The following PLCH2 variants were observed in gnomAD, a reference collection of about 807,000 sequenced individuals.
PLCH2 encodes the protein 1-phosphatidylinositol 4,5-bisphosphate phosphodiesterase eta-2.
PLCH2 carries 98 observed loss-of-function variants against 134.7 expected under a neutral mutation model. That is an observed-to-expected ratio of 0.73 (90% CI 0.62 to 0.86). The LOEUF is 0.86. Ranked by LOEUF, PLCH2 falls within the 40% of genes least tolerant of loss-of-function variation. PLCH2 has a pLI of 0.00. For missense variants in PLCH2, 1,994 were observed against 1,986.6 expected, an observed-to-expected ratio of 1.00 and a Z score of -0.07; for synonymous variants, 974 against 827.5, an observed-to-expected ratio of 1.18 and a Z score of -3.04.
intron 2 of PLCH2, among the ~76,000 whole-genome samples, chr1:2,454,390 G>T (rs1416744677): frequency 6.6e-6 from 1 of 152,184 alleles, no homozygotes; most frequent in Non-Finnish European, 1.5e-5. Flanking sequence ...TCAGGAAGGG[G>T]TTGATGGTGT....
intron 10 of PLCH2, 31 bp downstream of exon 10, chr1:2,489,898 G>A (rs768470061): frequency 2.1e-5 from 31 of 1,468,188 alleles, no homozygotes; most frequent in East Asian, 6.8e-5. Context: ...AGGGGGGCGC[G>A]TGGAGCCTGC....
At chr1:2,477,185 C>T (rs904508523) in intron 1 of PLCH2, among the ~76,000 whole-genome samples, 7 of 152,112 alleles carry the variant, frequency 4.6e-5, no homozygotes, top group South Asian at 2.1e-4. Flanking sequence ...GGCCCCGGTC[C>T]GGGCTGGCCT....
At position 2,498,594 on chromosome 1, in the gene PLCH2, A is replaced by C; in HGVS notation, c.2296A>C (p.Ser766Arg). Residue 766 changes from serine to arginine, a missense_variant, in exon 17 of 22, where the codon AGT becomes CGT. By Grantham distance (110) the Ser-to-Arg change is moderately radical. Coordinates refer to ENST00000378486, the MANE Select transcript of PLCH2 (RefSeq NM_014638.4). The surrounding 1 kb of genome is among the most constrained non-coding windows in gnomAD (Gnocchi z 5.4). ...GAAGCAGCTGGTGCTCCGGATCATC[A>C]GTGGCCAGCAGCTTCCCAAGCCGCG... Reference protein sequence around the residue: ...LKKQLVLRIISGQQLPKPRDS... With the variant: ...LKKQLVLRIIRGQQLPKPRDS... The C allele has an allele frequency of 6.3e-7, 1 of 1,584,972 alleles. No individual in the cohort carries two copies. Among genetic ancestry groups the C allele is most frequent in the South Asian group, 1.1e-5 (1 of 88,226 alleles).
upstream of PLCH2, among the ~76,000 whole-genome samples, chr1:2,466,674 G>A (rs1641071393): frequency 6.6e-6 from 1 of 152,238 alleles, no homozygotes; most frequent in South Asian, 2.1e-4. Flanking sequence ...AGGCCCCTTG[G>A]GGCAGAGGTG....
intron 2 of PLCH2, among the ~76,000 whole-genome samples, chr1:2,433,173 C>G (rs182101148): frequency 1.1e-4 from 16 of 152,356 alleles, no homozygotes; most frequent in African/African-American, 3.8e-4. Flanking sequence ...TTCCACTCTT[C>G]CCCTTCCAGA....
chr1:2,429,715 G>A (rs978123461), intron 1 of PLCH2, among the ~76,000 whole-genome samples: 2 of 152,220 alleles, frequency 1.3e-5, no homozygotes, highest in Non-Finnish European at 2.9e-5. Context: ...AAGGGCTTGA[G>A]ACCCTGGCCT....
rs79405490 is a variant in PLCH2, at chr1:2,504,864, A to G, written c.3902A>G (p.Glu1301Gly). ...GGGGTGAGACGGGACACCCTGACAG[A>G]GCAGCTGCGCTGGCTCACTGTCTTC... ...GPGVRRDTLT[E>G]QLRWLTVFQQ... is the part of the protein sequence containing the mutation. Residue 1301 changes from glutamate to glycine, a missense_variant, in exon 22 of 22, where the codon GAG becomes GGG. Physicochemically the swap from Glu to Gly is moderately conservative, Grantham distance 98. This residue lies in a region of PLCH2 where 900 missense variants were observed against 752.3 expected (regional missense o/e 1.20). Transcript: ENST00000378486. 2 of 1,597,636 alleles carry G rather than the reference A, an allele frequency of 1.3e-6. No individual in the cohort carries two copies. Among genetic ancestry groups the G allele is most frequent in the Non-Finnish European group, 1.7e-6 (2 of 1,172,212 alleles).
intron 21 of PLCH2, chr1:2,503,326 C>T: frequency 1.7e-6 from 1 of 575,540 alleles, no homozygotes; most frequent in Admixed American, 3.1e-5. Flanking sequence ...ATTCCCACCT[C>T]CCTCTAGGGC....
At chr1:2,474,392 G>C (rs572069677), upstream of PLCH2, among the ~76,000 whole-genome samples, 370 of 83,196 alleles carry the variant, frequency 4.4e-3, no homozygotes, top group African/African-American at 0.021. Flanking sequence ...GCCTGTGTCA[G>C]GAAGGGATTA....
chr1:2,478,174 G>C (rs564714542), intron 1 of PLCH2, among the ~76,000 whole-genome samples: 1 of 152,356 alleles, frequency 6.6e-6, no homozygotes, highest in African/African-American at 2.4e-5. Context: ...GCAGGTGGCC[G>C]AGCAGGGTGG....
intron 2 of PLCH2, among the ~76,000 whole-genome samples, chr1:2,437,342 T>G (rs969919902): frequency 2.0e-5 from 3 of 152,118 alleles, no homozygotes; most frequent in Admixed American, 6.5e-5. Context: ...CAGCTCCTAC[T>G]CCTGTCCAAG....
In PLCH2 at chr1:2,448,448, C is replaced by T. The variant is rs903170541; in HGVS notation, c.115+17819C>T. On this transcript the variant is annotated intron_variant, in intron 2 of 3. Transcript: ENST00000609981. This position sits in a 1 kb window ranked among gnomAD's most constrained non-coding sequence, Gnocchi z 4.0. ...CTTCTCTCCGTCTTCTCTTGCGCCTCGAGTCTCCTTTGTCCTGTAGGATCT... is the reference window on the plus strand; with the variant it reads ...CTTCTCTCCGTCTTCTCTTGCGCCTTGAGTCTCCTTTGTCCTGTAGGATCT... Among the ~76,000 whole-genome samples, 7 of 152,318 alleles carry T rather than the reference C, an allele frequency of 4.6e-5. No homozygotes were observed. The highest frequency in any genetic ancestry group is 9.6e-5 in the African/African-American group (4 of 41,570).
chr1:2,437,846 C>T (rs1466328759), intron 2 of PLCH2, among the ~76,000 whole-genome samples: 3 of 152,240 alleles, frequency 2.0e-5, no homozygotes, highest in Admixed American at 6.5e-5. Context: ...AAACCACACA[C>T]GTGCACACAC....
intron 5 of PLCH2, 140 bp from the exon 6 acceptor site, chr1:2,486,767 T>C (rs1036126165): frequency 4.8e-5 from 33 of 688,094 alleles, no homozygotes; most frequent in Non-Finnish European, 8.2e-5. Flanking sequence ...TCCCAAGTCA[T>C]GTGACACTGG....
At chr1:2,495,151 A>C (rs992397226) in intron 12 of PLCH2, among the ~76,000 whole-genome samples, 5 of 152,158 alleles carry the variant, frequency 3.3e-5, no homozygotes, top group African/African-American at 1.2e-4. Context: ...CCTCTGAGTC[A>C]GGCCGAGCTA....
intron 8 of PLCH2, among the ~76,000 whole-genome samples, chr1:2,488,461 T>G (rs1642395155): frequency 6.6e-6 from 1 of 152,226 alleles, no homozygotes; most frequent in Admixed American, 6.5e-5. Flanking sequence ...AGGCCTCAGT[T>G]TCTTGCCTGA....
At position 2,504,983 on chromosome 1, in the gene PLCH2, C is replaced by A; in HGVS notation, c.4021C>A (p.Arg1341Ser). The change falls in exon 22 of 22, where the codon CGC becomes AGC. Residue 1341 changes from arginine to serine, a missense_variant. Arg to Ser is a moderately radical substitution (Grantham distance 110). Around this residue, in one of 2 missense-constraint regions of PLCH2, gnomAD observed 900 missense variants for 752.3 expected, o/e 1.20. Coordinates refer to ENST00000378486, the MANE Select transcript of PLCH2 (RefSeq NM_014638.4). ...TGGTTTTGTGCGGCGCTCCTCCTCCCGCAGCCACAGCCGCGTGCGTGCCAT... is the reference window on the plus strand; with the variant it reads ...TGGTTTTGTGCGGCGCTCCTCCTCCAGCAGCCACAGCCGCGTGCGTGCCAT... ...GPGFVRRSSSRSHSRVRAIAS... is the reference protein window; with the variant it reads ...GPGFVRRSSSSSHSRVRAIAS... The A allele has an allele frequency of 6.5e-7, 1 of 1,548,778 alleles. No individual in the cohort carries two copies. Among genetic ancestry groups the A allele is most frequent in the Non-Finnish European group, 8.7e-7 (1 of 1,150,938 alleles).
chr1:2,422,512 A>G (rs1221966521), upstream of PLCH2, among the ~76,000 whole-genome samples: 2 of 152,156 alleles, frequency 1.3e-5, no homozygotes, highest in East Asian at 1.9e-4. Flanking sequence ...TCAGGTAATC[A>G]TGGACACTCT....
At chr1:2,416,891 T>A in the PLCH2 span, among the ~76,000 whole-genome samples, 1 of 152,128 alleles carries the variant, frequency 6.6e-6, no homozygotes, top group Non-Finnish European at 1.5e-5. Context: ...AATGAATTCC[T>A]GGCAGAACTG....
Sources: gnomAD v4.1 joint callset for allele counts (sites outside exome capture counted in the v4.1 genomes callset) on GRCh38, gnomAD v4.1.1 for gene constraint, gnomAD v4.1.1 regional missense constraint, Gnocchi (gnomAD v3.1) non-coding constraint, MANE v1.5 for transcripts, NCBI Gene and HGNC (gene_info 2026-07-23, HGNC 2026-07-21) for gene names.